The following TRIM16 variants were observed in gnomAD, a reference collection of about 807,000 sequenced individuals.
TRIM16 encodes the protein tripartite motif-containing protein 16.
TRIM16 carries 33 observed loss-of-function variants against 50.4 expected under a neutral mutation model. The ratio of observed to expected loss-of-function variants is 0.65; its 90% confidence interval spans 0.50 to 0.88. TRIM16 has a LOEUF of 0.88. Ranked by LOEUF, TRIM16 falls within the 40% of genes least tolerant of loss-of-function variation. The pLI, the probability that TRIM16 is intolerant of heterozygous loss-of-function variation, is 0.00. For missense variants in TRIM16, 581 were observed against 686.8 expected, an observed-to-expected ratio of 0.85 and a Z score of 1.72; for synonymous variants, 229 against 270.7, an observed-to-expected ratio of 0.85 and a Z score of 1.51.
At chr17:15,673,131 T>A (rs566354494) in intron 6 of TRIM16, among the ~76,000 whole-genome samples, 8 of 152,344 alleles carry the variant, frequency 5.3e-5, no homozygotes, top group Admixed American at 5.2e-4. Flanking sequence ...CTCCAGGAAC[T>A]ATGTTTGGAA....
intron 9 of TRIM16, 131 bp from the exon 10 acceptor site, chr17:15,632,805 A>G (rs1567669080): frequency 4.0e-6 from 5 of 1,254,016 alleles, no homozygotes; most frequent in Non-Finnish European, 4.3e-6. Context: ...AAGAAAGTAC[A>G]TGTGAAGTGT....
Position 15,679,584 on chromosome 17 carries a change from G to A in TRIM16, c.-590+1281C>T, listed in dbSNP as rs1448999513. 3.3e-5 allele frequency among the ~76,000 whole-genome samples: 5 copies of A among 152,282 alleles called. No individual in the cohort carries two copies. In the East Asian group the frequency reaches 7.7e-4, roughly 24 times the overall value. ...TCCCACCCAAGCCTATTGTTTAGCC[G>A]GCCTTAAGGTTATCTTCAGTTAAGT... On this transcript the variant is annotated intron_variant, in intron 4 of 11. Transcript: ENST00000649191.
At chr17:15,669,264 C>G (rs558077468) in intron 6 of TRIM16, among the ~76,000 whole-genome samples, 3,079 of 151,080 alleles carry the variant, frequency 0.02, 122 homozygotes, top group African/African-American at 0.071. Flanking sequence ...TGAATTGCCT[C>G]TATCAGTAAA....
In TRIM16 at chr17:15,651,530, G is replaced by C. The variant is rs1213214720; in HGVS notation, c.80C>G (p.Ser27Cys). Reference protein sequence around the residue: ...AQPPAPLSPDSGSPSPDSGSA... With the variant: ...AQPPAPLSPDCGSPSPDSGSA... ...CCCAGAATCTGGGCTGGGTGACCCA[G>C]AGTCTGGGCTGAGAGGGGCTGGGGG... The change falls in exon 7 of 12, where the codon TCT becomes TGT. Residue 27 changes from serine to cysteine, a missense_variant. This residue lies in a region of TRIM16 where 450 missense variants were observed against 544.3 expected (regional missense o/e 0.83). Coordinates refer to ENST00000649191, the MANE Select transcript of TRIM16 (RefSeq NM_001348119.1). 6.2e-7 allele frequency: 1 copy of C among 1,613,762 alleles called. No individual in the cohort carries two copies. Among genetic ancestry groups the C allele is most frequent in the Non-Finnish European group, 8.5e-7 (1 of 1,179,870 alleles).
intron 7 of TRIM16, among the ~76,000 whole-genome samples, chr17:15,645,594 C>G (rs1018724445): frequency 2.1e-5 from 3 of 145,568 alleles, no homozygotes; most frequent in Non-Finnish European, 4.4e-5. Context: ...GAATCGCTTT[C>G]ACTGCTTAAT....
intron 7 of TRIM16, among the ~76,000 whole-genome samples, chr17:15,645,219 C>T (rs987367629): frequency 2.0e-5 from 3 of 152,204 alleles, no homozygotes; most frequent in Non-Finnish European, 4.4e-5. Context: ...AATGGACTAA[C>T]GAGATAACGT....
Position 15,634,325 on chromosome 17 carries a change from G to A in TRIM16, c.850-1651C>T, listed in dbSNP as rs544048917. 2.2e-4 allele frequency among the ~76,000 whole-genome samples: 30 copies of A among 138,070 alleles called. 2 individuals carry two copies. The highest frequency in any genetic ancestry group is 6.0e-4 in the African/African-American group (22 of 36,478). 90.6% of individuals were successfully genotyped at this position (138,070 alleles called of 152,430 possible). The stretch of plus-strand genomic sequence containing the variant: ...GCCTGGGCGAAAAGAGCAAGACTCC[G>A]TCTCGAAAAAACAAAAAAAATTGGC... On this transcript the variant is annotated intron_variant, in intron 9 of 11. Coordinates refer to ENST00000649191, the MANE Select transcript of TRIM16 (RefSeq NM_001348119.1).
chr17:15,637,439 G>A (rs1986854540), intron 8 of TRIM16, among the ~76,000 whole-genome samples: 2 of 119,778 alleles, frequency 1.7e-5, no homozygotes, highest in Admixed American at 1.5e-4. Flanking sequence ...CATCTGGGAG[G>A]TGAGGGGCGC....
At chr17:15,637,602 C>T (rs1986878419) in intron 8 of TRIM16, among the ~76,000 whole-genome samples, 5 of 146,764 alleles carry the variant, frequency 3.4e-5, no homozygotes, top group African/African-American at 7.5e-5. Context: ...CGGCCAGCCG[C>T]CCCGTCCGGG....
chr17:15,651,874 G>C lies in TRIM16; in HGVS notation c.-265C>G, dbSNP rs1468753983. 1.4e-6 allele frequency: 2 copies of C among 1,403,418 alleles called. No homozygotes were observed. The highest frequency in any genetic ancestry group is 1.9e-6 in the Non-Finnish European group (2 of 1,080,638). The allele number at this position is 1,403,418 out of a possible 1,614,324, so 86.9% of individuals were successfully genotyped here. A position where few individuals can be genotyped will look rare whatever the true frequency, so the allele number is the denominator to read the frequency against. On this transcript the variant is annotated 5_prime_UTR_variant, in exon 7 of 12. An upstream open reading frame in the 5' UTR gains an earlier in-frame stop. Transcript: ENST00000649191. ...AGGCTGCCTCCCCAGGTCCAGCCCT[G>C]AAACTTCTATTCTTATGTGAATCAT...
At chr17:15,675,286 A>G (rs1234974916) in intron 6 of TRIM16, among the ~76,000 whole-genome samples, 2 of 152,210 alleles carry the variant, frequency 1.3e-5, no homozygotes, top group African/African-American at 4.8e-5. Context: ...AAAATATAAT[A>G]AAGCATCGCC....
chr17:15,674,889 G>A (rs528645209), intron 6 of TRIM16, among the ~76,000 whole-genome samples: 5 of 152,270 alleles, frequency 3.3e-5, no homozygotes, highest in African/African-American at 1.2e-4. Flanking sequence ...GAGGGTATGA[G>A]CTGGGGGCAG....
chr17:15,644,063 G>C (rs61358991), intron 7 of TRIM16, among the ~76,000 whole-genome samples: 5 of 152,280 alleles, frequency 3.3e-5, no homozygotes, highest in East Asian at 1.9e-4. Flanking sequence ...AGAGATGCAC[G>C]GGGCAAGGGA....
At chr17:15,644,329 G>C (rs996142530) in intron 7 of TRIM16, among the ~76,000 whole-genome samples, 1 of 152,102 alleles carries the variant, frequency 6.6e-6, no homozygotes, top group Non-Finnish European at 1.5e-5. Flanking sequence ...GGGACTACAG[G>C]TATGTGCCAC....
chr17:15,654,180 A>G (rs1005985615), intron 6 of TRIM16: 1 of 152,242 alleles, frequency 6.6e-6, no homozygotes, highest in Non-Finnish European at 1.5e-5. Context: ...GAAATCCGAG[A>G]GACCTAGTGA....
chr17:15,677,812 G>T, intron 4 of TRIM16, 91 bp from the exon 5 acceptor site: 2 of 937,626 alleles, frequency 2.1e-6, no homozygotes, highest in Non-Finnish European at 2.5e-6. Context: ...TCAAAGACAA[G>T]ATTTTATTGA....
chr17:15,680,460 T>C (rs977484343), intron 4 of TRIM16, among the ~76,000 whole-genome samples: 3 of 152,110 alleles, frequency 2.0e-5, no homozygotes, highest in Admixed American at 6.5e-5. Context: ...TGCCTTTGCA[T>C]ATCTATGCCA....
intron 11 of TRIM16, among the ~76,000 whole-genome samples, chr17:15,629,958 G>A (rs1986329082): frequency 6.6e-6 from 1 of 152,176 alleles, no homozygotes; most frequent in African/African-American, 2.4e-5. Context: ...CTCCACAACA[G>A]AGCCATGCTG....
chr17:15,647,631 T>C (rs950994359), intron 7 of TRIM16, among the ~76,000 whole-genome samples: 10 of 152,184 alleles, frequency 6.6e-5, no homozygotes, highest in Admixed American at 4.6e-4. Flanking sequence ...TCTGTGGAGT[T>C]AGGGTATGTG....
Sources: allele counts gnomAD v4.1 joint callset (sites outside exome capture counted in the v4.1 genomes callset), GRCh38; gene constraint gnomAD v4.1.1; regional missense constraint gnomAD v4.1.1; transcripts MANE v1.5; gene names NCBI Gene and HGNC (gene_info 2026-07-23, HGNC 2026-07-21).